ESR1: variants seen among roughly 807,000 people sequenced by gnomAD.
The protein encoded by ESR1 is estrogen receptor.
ESR1 carries 12 observed loss-of-function variants against 52.7 expected under a neutral mutation model. The ratio of observed to expected loss-of-function variants is 0.23; its 90% confidence interval spans 0.15 to 0.37. The LOEUF is 0.37. Among genes scored for constraint, ESR1 ranks in the 10% least tolerant of loss-of-function variants. ESR1 has a pLI of 1.00. For synonymous variants in ESR1, 305 were observed against 316.8 expected (o/e 0.96, Z 0.39); for missense variants, 584 against 779.7 (o/e 0.75, Z 2.99).
At chr6:151,880,859 T>G in intron 3 of ESR1, 88 bp downstream of exon 3, 1 of 732,410 alleles carries the variant, frequency 1.4e-6, no homozygotes, top group Non-Finnish European at 2.5e-6. Flanking sequence ...ACCATGGGAA[T>G]TTTGTGTTTT....
intron 4 of ESR1, among the ~76,000 whole-genome samples, chr6:151,952,775 G>A (rs1374725398): frequency 2.0e-5 from 3 of 152,094 alleles, no homozygotes; most frequent in South Asian, 4.1e-4. Context: ...TTTATTGGCT[G>A]GGTATCTATT....
At chr6:151,880,413 C>T (rs891335334) in intron 2 of ESR1, among the ~76,000 whole-genome samples, 6 of 152,008 alleles carry the variant, frequency 3.9e-5, no homozygotes, top group Admixed American at 6.6e-5. Context: ...GAACTCCTGA[C>T]GTCGTGATCC....
intron 6 of ESR1, among the ~76,000 whole-genome samples, chr6:152,090,975 C>G (rs1163865754): frequency 1.3e-5 from 2 of 152,192 alleles, no homozygotes; most frequent in Non-Finnish European, 2.9e-5. Flanking sequence ...TTGTTTCCAT[C>G]TTTGGGATTT....
In ESR1 at chr6:152,038,662, T is replaced by A. The variant is rs148467965; in HGVS notation, c.1236-22329T>A. Among the ~76,000 whole-genome samples the A allele has an allele frequency of 1.3e-3, 191 of 152,260 alleles. 2 individuals are homozygous for A. In the East Asian group the frequency reaches 0.025, roughly 20 times the overall value. ...TTTTTTTTTTTAAAAGATGGAGTCT[T>A]GCTTTGTTGCCCAGGCTGGAATGCA... On this transcript the variant is annotated intron_variant, in intron 5 of 7. Transcript: ENST00000206249.
At chr6:151,951,615 G>A (rs895632201) in intron 4 of ESR1, among the ~76,000 whole-genome samples, 1 of 152,128 alleles carries the variant, frequency 6.6e-6, no homozygotes, top group Non-Finnish European at 1.5e-5. Flanking sequence ...AGGTAATCAG[G>A]TGAAGTGCCA....
chr6:151,851,778 T>C (rs1217610845), intron 2 of ESR1, among the ~76,000 whole-genome samples: 1 of 152,206 alleles, frequency 6.6e-6, no homozygotes, highest in Non-Finnish European at 1.5e-5. Flanking sequence ...TCTACCCGCC[T>C]TGGCCTCCCA....
intron 2 of ESR1, among the ~76,000 whole-genome samples, chr6:151,768,348 A>G (rs78112874): frequency 0.021 from 3,209 of 152,288 alleles, 107 homozygotes; most frequent in African/African-American, 0.074. Flanking sequence ...AAAATCCCCA[A>G]TTGAGGGGCA....
chr6:152,035,587 C>T (rs561104601), intron 5 of ESR1, among the ~76,000 whole-genome samples: 4 of 151,346 alleles, frequency 2.6e-5, no homozygotes, highest in African/African-American at 9.8e-5. Context: ...AGGCTAAGTA[C>T]CAAAGATAAT....
intron 6 of ESR1, among the ~76,000 whole-genome samples, chr6:152,066,089 A>G (rs988417742): frequency 6.6e-6 from 1 of 152,216 alleles, no homozygotes; most frequent in Non-Finnish European, 1.5e-5. Flanking sequence ...TGTCTGCCAT[A>G]TAGTCATGCT....
At chr6:152,129,543 A>G (rs984222361) in exon 7 of ESR1, 3 of 133,380 alleles carry the variant, frequency 2.2e-5, no homozygotes, top group African/African-American at 8.9e-5. Context: ...TATTATTGCT[A>G]TTTTGTTTAG....
intron 1 of ESR1, among the ~76,000 whole-genome samples, chr6:151,696,046 A>G (rs1219135124): frequency 6.6e-6 from 1 of 152,202 alleles, no homozygotes; most frequent in Non-Finnish European, 1.5e-5. Flanking sequence ...AATCCAATAT[A>G]TGCATAGTTT....
intron 4 of ESR1, among the ~76,000 whole-genome samples, chr6:151,951,861 C>T (rs1005453769): frequency 3.3e-5 from 5 of 152,364 alleles, no homozygotes; most frequent in African/African-American, 9.6e-5. Context: ...CCTCTCCCTT[C>T]TGCCAGGGGC....
At chr6:151,926,897 G>A (rs537850901) in intron 3 of ESR1, among the ~76,000 whole-genome samples, 2 of 152,058 alleles carry the variant, frequency 1.3e-5, no homozygotes, top group Non-Finnish European at 2.9e-5. Flanking sequence ...ATAATAGGAG[G>A]AATGAGATAA....
At chr6:152,035,769 G>T (rs974831000) in intron 5 of ESR1, among the ~76,000 whole-genome samples, 2 of 152,090 alleles carry the variant, frequency 1.3e-5, no homozygotes, top group African/African-American at 4.8e-5. Context: ...CTACATTTAT[G>T]AAAAACTGAC....
chr6:151,719,450 T>A (rs569474473), intron 2 of ESR1, among the ~76,000 whole-genome samples: 1 of 152,122 alleles, frequency 6.6e-6, no homozygotes, highest in Non-Finnish European at 1.5e-5. Context: ...AGGGAAGGAA[T>A]TTCCAGGCAG....
At chr6:151,999,258 A>C (rs1288877366) in intron 4 of ESR1, among the ~76,000 whole-genome samples, 1 of 152,160 alleles carries the variant, frequency 6.6e-6, no homozygotes, top group East Asian at 1.9e-4. Flanking sequence ...TCATCTTATA[A>C]TTTATTAATC....
intron 5 of ESR1, among the ~76,000 whole-genome samples, chr6:152,044,813 T>C (rs3020363): frequency 0.42 from 64,129 of 152,052 alleles, 14,948 homozygotes; most frequent in African/African-American, 0.61. Context: ...GATGGGTCTC[T>C]ATCTTCCAGT....
chr6:151,783,493 GGT>G (rs1476095164), intron 2 of ESR1, among the ~76,000 whole-genome samples: 1 of 152,072 alleles, frequency 6.6e-6, no homozygotes, highest in African/African-American at 2.4e-5. Flanking sequence ...AATACAGAGT[GGT>G]GCTACAATCT....
chr6:151,967,106 T>G (rs932480), intron 4 of ESR1, among the ~76,000 whole-genome samples: 122,892 of 152,104 alleles, frequency 0.81, 50,000 homozygotes, highest in Middle Eastern at 0.9. Flanking sequence ...GTTTTCTCCT[T>G]TTTTATGGAT....
Sources: gnomAD v4.1 joint callset for allele counts (sites outside exome capture counted in the v4.1 genomes callset) on GRCh38, gnomAD v4.1.1 for gene constraint, MANE v1.5 for transcripts, NCBI Gene and HGNC (gene_info 2026-07-23, HGNC 2026-07-21) for gene names.